The following SNX29 variants were observed in gnomAD, a reference collection of about 807,000 sequenced individuals.
SNX29 encodes the protein sorting nexin 29, also known as sorting nexin-29.
In SNX29, 78 loss-of-function variants were observed where a neutral mutation model predicts 102.1. That is an observed-to-expected ratio of 0.76 (90% CI 0.64 to 0.92). The LOEUF (loss-of-function observed/expected upper bound fraction) is 0.92, where lower values mean the gene tolerates loss of function less well. SNX29 is among the 40% of genes least tolerant of loss of function. SNX29 has a pLI of 0.00. For missense variants in SNX29, 1,280 were observed against 1,061.7 expected, an observed-to-expected ratio of 1.21 and a Z score of -2.86; for synonymous variants, 580 against 414.5, an observed-to-expected ratio of 1.40 and a Z score of -4.85.
At position 12,571,322 on chromosome 16, in the gene SNX29, A is replaced by AG. The variant is rs760473098; in HGVS notation, c.*2694dup. 77 of 231,476 alleles carry AG rather than the reference A, an allele frequency of 3.3e-4. No homozygotes were observed. The highest frequency in any genetic ancestry group is 4.9e-4 in the Non-Finnish European group (57 of 117,050). 14.3% of individuals were successfully genotyped at this position (231,476 alleles called of 1,614,324 possible). On this transcript the variant is annotated 3_prime_UTR_variant, in exon 21 of 21. Coordinates refer to ENST00000566228, the MANE Select transcript of SNX29 (RefSeq NM_032167.5). The stretch of plus-strand genomic sequence containing the variant: ...CCTGGAAATGTGTCAACTGCCTGTC[A>AG]GCCTGGATTCAATTCTGAGGGCTAA...
chr16:12,133,861 G>A (rs1312871853), intron 13 of SNX29, among the ~76,000 whole-genome samples: 1 of 152,316 alleles, frequency 6.6e-6, no homozygotes, highest in East Asian at 1.9e-4. Context: ...GTATGCGCTT[G>A]TGTATATGTG....
At position 12,483,671 on chromosome 16, in the gene SNX29, A is replaced by T. The variant is rs557172285; in HGVS notation, c.2178+5812A>T. On this transcript the variant is annotated intron_variant, in intron 19 of 20. Coordinates refer to ENST00000566228, the MANE Select transcript of SNX29 (RefSeq NM_032167.5). ...TTGTTTAGGCCAAGGTAACAATTCC[A>T]AGATCTTGGTGACTTAAGCCAACAA... 3.9e-5 allele frequency among the ~76,000 whole-genome samples: 6 copies of T among 152,274 alleles called. No individual in the cohort carries two copies. In the South Asian group the frequency reaches 1.2e-3, roughly 32 times the overall value.
chr16:12,544,723 G>GCC (rs1370971227), intron 20 of SNX29, among the ~76,000 whole-genome samples: 15 of 152,288 alleles, frequency 9.8e-5, no homozygotes, highest in South Asian at 4.1e-4. Flanking sequence ...TAATAGGAGG[G>GCC]GAAACCTCGG....
At chr16:12,028,759 T>C (rs1040952095) in intron 4 of SNX29, among the ~76,000 whole-genome samples, 1 of 152,122 alleles carries the variant, frequency 6.6e-6, no homozygotes, top group Non-Finnish European at 1.5e-5. Context: ...ATTTTTTATT[T>C]TTTATTGAGA....
intron 12 of SNX29, among the ~76,000 whole-genome samples, chr16:12,129,253 G>A (rs748148644): frequency 6.6e-6 from 1 of 152,264 alleles, no homozygotes; most frequent in East Asian, 1.9e-4. Flanking sequence ...TTAAATCTCT[G>A]ACCTGGTGTA....
At chr16:12,327,592 C>T (rs942001910) in intron 15 of SNX29, among the ~76,000 whole-genome samples, 2 of 152,120 alleles carry the variant, frequency 1.3e-5, no homozygotes, top group Non-Finnish European at 2.9e-5. Context: ...CCCTTAGTTA[C>T]CTCCTTAAAG....
intron 16 of SNX29, among the ~76,000 whole-genome samples, chr16:12,363,275 T>G (rs2082358328): frequency 6.6e-6 from 1 of 152,190 alleles, no homozygotes; most frequent in Non-Finnish European, 1.5e-5. Flanking sequence ...AGCTCAGTTT[T>G]CCTCCTGGAG....
At chr16:12,353,452 G>T (rs544110737) in intron 15 of SNX29, among the ~76,000 whole-genome samples, 1 of 140,298 alleles carries the variant, frequency 7.1e-6, no homozygotes, top group East Asian at 1.9e-4. Context: ...ACAGTGGCCT[G>T]GTGAAATGGG....
At chr16:12,497,295 T>C (rs2088877987) in intron 19 of SNX29, among the ~76,000 whole-genome samples, 1 of 152,246 alleles carries the variant, frequency 6.6e-6, no homozygotes, top group Admixed American at 6.5e-5. Flanking sequence ...AAACCTGTAT[T>C]GAATATCTAT....
chr16:12,105,663 T>C (rs371138010), intron 11 of SNX29, among the ~76,000 whole-genome samples: 2 of 152,206 alleles, frequency 1.3e-5, no homozygotes, highest in East Asian at 1.9e-4. Context: ...ATTTTAGTGA[T>C]GGAAAAACTC....
intron 18 of SNX29, among the ~76,000 whole-genome samples, chr16:12,433,046 C>T (rs549771421): frequency 3.9e-5 from 6 of 152,254 alleles, no homozygotes; most frequent in Non-Finnish European, 7.4e-5. Context: ...GAATGTGGAG[C>T]GGGTTCCTGA....
chr16:12,185,286 C>G (rs2076483531), intron 13 of SNX29, among the ~76,000 whole-genome samples: 2 of 152,150 alleles, frequency 1.3e-5, no homozygotes, highest in Admixed American at 1.3e-4. Context: ...GGGTACTTGG[C>G]TGGTCTAAAG....
chr16:12,464,169 T>C (rs945775421), intron 18 of SNX29, among the ~76,000 whole-genome samples: 4 of 151,524 alleles, frequency 2.6e-5, no homozygotes, highest in African/African-American at 9.7e-5. Flanking sequence ...TCCAGGTTTA[T>C]CCATGTTGTC....
At chr16:12,445,002 CACCA>C in intron 18 of SNX29, among the ~76,000 whole-genome samples, 1 of 152,010 alleles carries the variant, frequency 6.6e-6, no homozygotes, top group Admixed American at 6.6e-5. Context: ...AGACATCTGC[CACCA>C]CGCCCAGCTA....
At chr16:12,150,025 AG>A (rs1167352618) in intron 13 of SNX29, among the ~76,000 whole-genome samples, 1 of 152,064 alleles carries the variant, frequency 6.6e-6, no homozygotes, top group African/African-American at 2.4e-5. Flanking sequence ...GGAACGATTG[AG>A]GGTGGGGTTT....
At chr16:12,271,766 G>T (rs2079098649) in intron 14 of SNX29, among the ~76,000 whole-genome samples, 1 of 152,030 alleles carries the variant, frequency 6.6e-6, no homozygotes, top group Admixed American at 6.6e-5. Flanking sequence ...GGGATTACAG[G>T]CATGTGCCAC....
At chr16:12,066,854 C>T (rs947303661) in intron 9 of SNX29, among the ~76,000 whole-genome samples, 8 of 151,900 alleles carry the variant, frequency 5.3e-5, no homozygotes, top group Non-Finnish European at 1.0e-4. Context: ...TGATGCCACC[C>T]TCACTGAGCA....
intron 19 of SNX29, among the ~76,000 whole-genome samples, chr16:12,509,211 A>G (rs1375875910): frequency 2.0e-5 from 3 of 152,192 alleles, no homozygotes; most frequent in Non-Finnish European, 4.4e-5. Context: ...ACCCTGGGTG[A>G]CCGTCACAGT....
intron 15 of SNX29, among the ~76,000 whole-genome samples, chr16:12,341,401 C>T (rs2081606174): frequency 6.6e-6 from 1 of 152,236 alleles, no homozygotes; most frequent in African/African-American, 2.4e-5. Flanking sequence ...CTGTGCCTTT[C>T]CTCAGACTTT....
Sources: gnomAD v4.1 joint callset for allele counts (sites outside exome capture counted in the v4.1 genomes callset) on GRCh38, gnomAD v4.1.1 for gene constraint, MANE v1.5 for transcripts, NCBI Gene and HGNC (gene_info 2026-07-23, HGNC 2026-07-21) for gene names.